LAMC3: variants seen among roughly 807,000 people sequenced by gnomAD.
LAMC3 encodes laminin subunit gamma-3.
Under a neutral mutation model 173.8 loss-of-function variants are expected in LAMC3, and 128 were observed. That is an observed-to-expected ratio of 0.74 (90% CI 0.64 to 0.85). The LOEUF is 0.85. Among genes scored for constraint, LAMC3 ranks in the 40% least tolerant of loss-of-function variants. The pLI, the probability that LAMC3 is intolerant of heterozygous loss-of-function variation, is 0.00. For synonymous variants in LAMC3, 897 were observed against 909.1 expected (o/e 0.99, Z 0.24); for missense variants, 2,022 against 2,156.0 (o/e 0.94, Z 1.23).
chr9:131,028,723 T>C (rs1833773897), intron 2 of LAMC3, among the ~76,000 whole-genome samples: 1 of 152,240 alleles, frequency 6.6e-6, no homozygotes, highest in South Asian at 2.1e-4. Flanking sequence ...CTTCCAGCTG[T>C]TCTCCCAATG....
chr9:131,077,899 T>C (rs1427046738), intron 22 of LAMC3, among the ~76,000 whole-genome samples: 3 of 152,014 alleles, frequency 2.0e-5, no homozygotes, highest in Non-Finnish European at 4.4e-5. Context: ...CTCCTTACAG[T>C]GACATTAGCA....
intron 1 of LAMC3, among the ~76,000 whole-genome samples, chr9:131,020,228 A>T (rs1409447091): frequency 6.6e-6 from 1 of 152,106 alleles, no homozygotes; most frequent in African/African-American, 2.4e-5. Flanking sequence ...CTCCCAGCCT[A>T]CAGGGGAGTC....
chr9:131,009,678 G>A lies in LAMC3; in HGVS notation c.373+91G>A, dbSNP rs1005194586. 115 of 1,481,116 alleles carry A rather than the reference G, an allele frequency of 7.8e-5. No homozygotes were observed. Among genetic ancestry groups the A allele is most frequent in the Middle Eastern group, 3.5e-4 (2 of 5,680 alleles). 91.7% of individuals were successfully genotyped at this position (1,481,116 alleles called of 1,614,324 possible). A position where few individuals can be genotyped will look rare whatever the true frequency, so the allele number is the denominator to read the frequency against. On this transcript the variant is annotated intron_variant, in intron 1 of 27. Coordinates refer to ENST00000361069, the MANE Select transcript of LAMC3 (RefSeq NM_006059.4). The surrounding 1 kb of genome is among the most constrained non-coding windows in gnomAD (Gnocchi z 4.3). Reference sequence around the variant, plus strand: ...GAGGCCTGAGCTGCTGTGCGCCCAGGTTGGGCTGCAGGACCCAGATATGGT... The same window carrying A: ...GAGGCCTGAGCTGCTGTGCGCCCAGATTGGGCTGCAGGACCCAGATATGGT...
At chr9:131,031,525 G>A (rs1442602906) in intron 2 of LAMC3, among the ~76,000 whole-genome samples, 1 of 152,174 alleles carries the variant, frequency 6.6e-6, no homozygotes, top group Admixed American at 6.5e-5. Context: ...AAGAAACCCG[G>A]GGCCAGCTGC....
At chr9:131,089,544 ATTTTTTTTTTT>A (rs59946569) in intron 27 of LAMC3, among the ~76,000 whole-genome samples, 10 of 139,168 alleles carry the variant, frequency 7.2e-5, no homozygotes, top group Non-Finnish European at 1.4e-4. Flanking sequence ...CACCCAGCTA[ATTTTTTTTTTT>A]TTTTTTTTTG....
chr9:131,078,045 A>G (rs950817185), intron 22 of LAMC3, among the ~76,000 whole-genome samples: 3 of 152,258 alleles, frequency 2.0e-5, no homozygotes, highest in Admixed American at 2.0e-4. Flanking sequence ...GGCTGCTTCC[A>G]TGGGAGCTGG....
intron 7 of LAMC3, among the ~76,000 whole-genome samples, chr9:131,043,212 G>A (rs1435910979): frequency 1.3e-5 from 2 of 152,194 alleles, no homozygotes; most frequent in Non-Finnish European, 2.9e-5. Flanking sequence ...GCTCTCCCAA[G>A]GCCAGGAAGT....
chr9:131,031,296 C>T (rs533597049), intron 2 of LAMC3, among the ~76,000 whole-genome samples: 10 of 152,284 alleles, frequency 6.6e-5, no homozygotes, highest in Admixed American at 2.0e-4. Context: ...TCAGTCTTCA[C>T]GTGGGTTTTC....
Position 131,092,546 on chromosome 9 carries a change from C to T in LAMC3, c.*759C>T, listed in dbSNP as rs1442848651. 1.3e-5 allele frequency: 2 copies of T among 152,720 alleles called. No homozygotes were observed. Among genetic ancestry groups the T allele is most frequent in the African/African-American group, 2.4e-5 (1 of 41,450 alleles). The allele number at this position is 152,720 out of a possible 1,614,324, so 9.5% of individuals were successfully genotyped here. ...CGGGGGTGTCATTGCCTTCACCGGA[C>T]GCTTCCCTCTCAGGGTCCTGGGACT... On this transcript the variant is annotated 3_prime_UTR_variant, in exon 28 of 28. Transcript: ENST00000361069.
intron 24 of LAMC3, among the ~76,000 whole-genome samples, chr9:131,083,899 G>C (rs1830284364): frequency 9.3e-6 from 1 of 106,970 alleles, no homozygotes; most frequent in East Asian, 3.1e-4. Context: ...TTTTGAGATA[G>C]AGTCTCGCTC....
chr9:131,021,770 C>T (rs1833629547), intron 1 of LAMC3, among the ~76,000 whole-genome samples: 1 of 152,202 alleles, frequency 6.6e-6, no homozygotes, highest in African/African-American at 2.4e-5. Flanking sequence ...GTTCCCATGA[C>T]CCCTTCTTTG....
At chr9:131,053,422 C>A (rs1448968832) in intron 11 of LAMC3, among the ~76,000 whole-genome samples, 1 of 152,224 alleles carries the variant, frequency 6.6e-6, no homozygotes, top group Non-Finnish European at 1.5e-5. Context: ...AAAGAGGGGG[C>A]CAAGCCATCA....
intron 12 of LAMC3, among the ~76,000 whole-genome samples, chr9:131,059,747 A>G (rs1004217443): frequency 2.5e-4 from 38 of 152,112 alleles, no homozygotes; most frequent in Non-Finnish European, 5.4e-4. Context: ...CCCTGCCACA[A>G]CTTCCTGCTC....
At chr9:131,084,106 C>T (rs1356450989) in intron 24 of LAMC3, among the ~76,000 whole-genome samples, 1 of 149,390 alleles carries the variant, frequency 6.7e-6, no homozygotes, top group Non-Finnish European at 1.5e-5. Flanking sequence ...TGGTTTTGAA[C>T]TCCTGACCTC....
chr9:131,032,022 GC>G, intron 2 of LAMC3, 22 bp from the exon 3 acceptor site: 1 of 1,614,060 alleles, frequency 6.2e-7, no homozygotes, highest in African/African-American at 1.3e-5. Context: ...CCTGCTGATG[GC>G]ACCCTCTCCC....
At chr9:131,020,291 C>T (rs1015322843) in intron 1 of LAMC3, among the ~76,000 whole-genome samples, 2 of 152,142 alleles carry the variant, frequency 1.3e-5, no homozygotes, top group African/African-American at 4.8e-5. Flanking sequence ...TCTTGTTCTT[C>T]CTCTCCCAGC....
intron 7 of LAMC3, among the ~76,000 whole-genome samples, chr9:131,043,571 G>A (rs555015246): frequency 1.3e-5 from 2 of 152,304 alleles, no homozygotes; most frequent in South Asian, 2.1e-4. Context: ...CAAAATAAAC[G>A]ATAGTATTGG....
At chr9:131,059,215 G>A (rs148243688) in intron 12 of LAMC3, among the ~76,000 whole-genome samples, 190 of 138,606 alleles carry the variant, frequency 1.4e-3, no homozygotes, top group Admixed American at 2.8e-3. Flanking sequence ...AAAAAAGGCC[G>A]GGCACGGTGG....
chr9:131,055,333 T>C (rs1200105114), intron 11 of LAMC3, among the ~76,000 whole-genome samples: 2 of 152,124 alleles, frequency 1.3e-5, no homozygotes, highest in Non-Finnish European at 2.9e-5. Flanking sequence ...TGTGGGAAGG[T>C]TGATCTGCCA....
Sources: gnomAD v4.1 joint callset for allele counts (sites outside exome capture counted in the v4.1 genomes callset) on GRCh38, gnomAD v4.1.1 for gene constraint, Gnocchi (gnomAD v3.1) non-coding constraint, MANE v1.5 for transcripts, NCBI Gene and HGNC (gene_info 2026-07-23, HGNC 2026-07-21) for gene names.